Variants in THSD7B observed in about 807,000 individuals in gnomAD.
THSD7B encodes thrombospondin type 1 domain containing 7B, also known as thrombospondin type-1 domain-containing protein 7B.
THSD7B carries 138 observed loss-of-function variants against 213.6 expected under a neutral mutation model. The ratio of observed to expected loss-of-function variants is 0.65; its 90% CI spans 0.56 to 0.74. The LOEUF is 0.74. Ranked by LOEUF, THSD7B falls within the 30% of genes least tolerant of loss-of-function variation. The pLI is 0.00. For synonymous variants in THSD7B, 742 were observed against 687.0 expected, an observed-to-expected ratio of 1.08 and a Z score of -1.25; for missense variants, 1,931 against 1,991.5, an observed-to-expected ratio of 0.97 and a Z score of 0.58.
chr2:137,605,794 G>A (rs1349047357), intron 17 of THSD7B, among the ~76,000 whole-genome samples: 1 of 151,078 alleles, frequency 6.6e-6, no homozygotes, highest in African/African-American at 2.4e-5. Context: ...TCAGCCTCCT[G>A]AGTAGCTGGG....
chr2:137,284,610 C>T (rs1446770696), intron 12 of THSD7B, among the ~76,000 whole-genome samples: 3 of 152,036 alleles, frequency 2.0e-5, no homozygotes, highest in Non-Finnish European at 2.9e-5. Flanking sequence ...TCTTTGTTGT[C>T]GTTGGTTTCA....
chr2:136,930,585 A>C (rs1684611133), intron 2 of THSD7B, among the ~76,000 whole-genome samples: 1 of 152,202 alleles, frequency 6.6e-6, no homozygotes, highest in Non-Finnish European at 1.5e-5. Context: ...ACCCAGCTAG[A>C]AAATGACTGC....
At position 137,280,023 on chromosome 2, in the gene THSD7B, C is replaced by T. The variant is rs146296991; in HGVS notation, c.2500+3997C>T. ...TGAAGGATTCTCCTCTCTTGCTATC[C>T]AATGCTATGTTTTAGAATTGCAAGT... is the stretch of plus-strand genomic sequence containing the variant. On this transcript the variant is annotated intron_variant, in intron 12 of 27. Coordinates refer to ENST00000409968, the MANE Select transcript of THSD7B (RefSeq NM_001316349.2). Among the ~76,000 whole-genome samples, 183 of 152,214 alleles carry T rather than the reference C, an allele frequency of 1.2e-3. 1 individual carries two copies. Among genetic ancestry groups the T allele is most frequent in the African/African-American group, 3.9e-3 (162 of 41,530 alleles).
At chr2:136,912,321 C>CAAAAAA (rs1159184476) in intron 2 of THSD7B, among the ~76,000 whole-genome samples, 3 of 55,838 alleles carry the variant, frequency 5.4e-5, no homozygotes, top group Non-Finnish European at 9.0e-5. Flanking sequence ...GACTCCATCT[C>CAAAAAA]AAAAAAAAAA....
chr2:137,139,667 G>A (rs1192277938), intron 5 of THSD7B, among the ~76,000 whole-genome samples: 1 of 152,150 alleles, frequency 6.6e-6, no homozygotes, highest in Non-Finnish European at 1.5e-5. Flanking sequence ...GATGGCAGGA[G>A]AGTTAGCGAT....
At chr2:137,139,964 T>C (rs915003858) in intron 5 of THSD7B, among the ~76,000 whole-genome samples, 1 of 152,144 alleles carries the variant, frequency 6.6e-6, no homozygotes, top group Non-Finnish European at 1.5e-5. Context: ...GAATTGGTTT[T>C]TATTCATAAA....
intron 2 of THSD7B, among the ~76,000 whole-genome samples, chr2:137,040,587 G>T (rs1686864621): frequency 6.6e-6 from 1 of 152,050 alleles, no homozygotes; most frequent in Non-Finnish European, 1.5e-5. Flanking sequence ...TAGAGACGGA[G>T]TTTCACCACA....
chr2:137,232,916 C>A lies in THSD7B; in HGVS notation c.1933C>A (p.Pro645Thr). The A allele has an allele frequency of 6.2e-7, 1 of 1,613,848 alleles. No homozygotes were observed. The change falls in exon 9 of 28, where the codon CCT becomes ACT. Residue 645 changes from proline (P) to threonine (T), a missense_variant. Physicochemically the swap from Pro to Thr is conservative, Grantham distance 38. Transcript: ENST00000409968. ...TTTGGCAGGTGGAAAGCCATGTCCC[C>A]CTAGTCAGGCTCTCCAAGAGCATCG... The part of the protein sequence containing the change: ...LAGEGGKPCP[P>T]SQALQEHRLC...
chr2:137,254,746 A>T (rs1286595482), intron 10 of THSD7B, among the ~76,000 whole-genome samples: 1 of 152,148 alleles, frequency 6.6e-6, no homozygotes. Context: ...TCAATATGTG[A>T]TAATTTTCTC....
At chr2:137,279,792 A>T (rs1682960038) in intron 12 of THSD7B, among the ~76,000 whole-genome samples, 1 of 152,158 alleles carries the variant, frequency 6.6e-6, no homozygotes, top group Non-Finnish European at 1.5e-5. Context: ...TCCCAAAAAT[A>T]CATGTCCACA....
chr2:136,766,183 G>T (rs555421741), intron 1 of THSD7B, among the ~76,000 whole-genome samples: 9 of 152,182 alleles, frequency 5.9e-5, no homozygotes, highest in Non-Finnish European at 1.0e-4. Context: ...TTCCCGTAGC[G>T]CTGACTGCGA....
At chr2:136,788,902 TTGTTA>T (rs796586861) in intron 1 of THSD7B, among the ~76,000 whole-genome samples, 6 of 152,280 alleles carry the variant, frequency 3.9e-5, no homozygotes, top group African/African-American at 1.4e-4. Context: ...GCAGATCATT[TTGTTA>T]TGTGTTGGAA....
chr2:137,374,617 G>C lies in THSD7B; in HGVS notation c.2501-30996G>C, dbSNP rs7600776. Among the ~76,000 whole-genome samples the C allele has an allele frequency of 8.6e-3, 1,307 of 152,250 alleles. 14 individuals carry two copies. Among genetic ancestry groups the C allele is most frequent in the African/African-American group, 0.03 (1,242 of 41,558 alleles). ...GTTTTCCATTGTGTATTAGCATGCTGTGTGTACTTAACATGTCACTAAGTG... is the reference window on the plus strand; with the variant it reads ...GTTTTCCATTGTGTATTAGCATGCTCTGTGTACTTAACATGTCACTAAGTG... On this transcript the variant is annotated intron_variant, in intron 12 of 27. Coordinates refer to ENST00000409968, the MANE Select transcript of THSD7B (RefSeq NM_001316349.2).
At chr2:136,986,555 T>C (rs1372138800) in intron 2 of THSD7B, among the ~76,000 whole-genome samples, 1 of 152,218 alleles carries the variant, frequency 6.6e-6, no homozygotes, top group Non-Finnish European at 1.5e-5. Flanking sequence ...TTATAAATGA[T>C]GCAGCCTCAG....
intron 2 of THSD7B, among the ~76,000 whole-genome samples, chr2:137,017,724 C>A (rs1038259054): frequency 1.3e-5 from 2 of 152,062 alleles, no homozygotes; most frequent in Non-Finnish European, 2.9e-5. Context: ...CCCATCAGTG[C>A]CATATGATGC....
intron 15 of THSD7B, among the ~76,000 whole-genome samples, chr2:137,497,978 C>G (rs901234368): frequency 4.6e-5 from 7 of 152,156 alleles, no homozygotes; most frequent in Non-Finnish European, 8.8e-5. Context: ...TGATCATTTA[C>G]TTTCCTCACA....
At chr2:137,104,974 GA>G (rs1688219923) in intron 4 of THSD7B, among the ~76,000 whole-genome samples, 2 of 152,278 alleles carry the variant, frequency 1.3e-5, no homozygotes, top group Admixed American at 1.3e-4. Flanking sequence ...AATTCTACCA[GA>G]GGTTCAAAGA....
chr2:137,407,020 A>C (rs919097569), intron 13 of THSD7B, among the ~76,000 whole-genome samples: 1 of 152,156 alleles, frequency 6.6e-6, no homozygotes, highest in Non-Finnish European at 1.5e-5. Context: ...CTCTTTATAT[A>C]CTTGAGATGA....
intron 2 of THSD7B, among the ~76,000 whole-genome samples, chr2:137,038,964 A>G (rs1686828009): frequency 6.6e-6 from 1 of 152,208 alleles, no homozygotes; most frequent in African/African-American, 2.4e-5. Context: ...ACTGAGCAAG[A>G]TAAAGTGGAA....
Sources: gnomAD v4.1 joint callset for allele counts (sites outside exome capture counted in the v4.1 genomes callset) on GRCh38, gnomAD v4.1.1 for gene constraint, MANE v1.5 for transcripts, NCBI Gene and HGNC (gene_info 2026-07-23, HGNC 2026-07-21) for gene names.